RFTN2: variants seen among roughly 807,000 people sequenced by gnomAD.
RFTN2 encodes raftlin family member 2.
A neutral mutation model predicts 52.7 loss-of-function variants in RFTN2; 34 were observed. The ratio of observed to expected loss-of-function variants is 0.64; its 90% CI spans 0.49 to 0.86. RFTN2 has a LOEUF of 0.86. Ranked by LOEUF, RFTN2 falls within the 40% of genes least tolerant of loss-of-function variation. The pLI is 0.00. For missense variants in RFTN2, 536 were observed against 600.1 expected (o/e 0.89, Z 1.12); for synonymous variants, 203 against 217.7 (o/e 0.93, Z 0.59).
intron 8 of RFTN2, among the ~76,000 whole-genome samples, chr2:197,586,897 A>G (rs1336005755): frequency 6.6e-6 from 1 of 152,102 alleles, no homozygotes; most frequent in Non-Finnish European, 1.5e-5. Context: ...ACCTAAATCA[A>G]TCTGGCCTGG....
At position 197,571,103 on chromosome 2, in the gene RFTN2, G is replaced by A. The variant is rs2087310160; in HGVS notation, c.*905C>T. On this transcript the variant is annotated 3_prime_UTR_variant, in exon 9 of 9. Coordinates refer to ENST00000295049, the MANE Select transcript of RFTN2 (RefSeq NM_144629.3). ...TATGAGCATCTTTCTACTCCTGCCA[G>A]ATTGAAAATTCTAGGTTTCAACATT... 1 of 152,418 alleles carries A rather than the reference G, an allele frequency of 6.6e-6. No individual in the cohort carries two copies. Among genetic ancestry groups the A allele is most frequent in the East Asian group, 1.9e-4 (1 of 5,326 alleles). 9.4% of individuals were successfully genotyped at this position (152,418 alleles called of 1,614,324 possible).
chr2:197,620,733 G>T (rs929437343), intron 5 of RFTN2, among the ~76,000 whole-genome samples: 2 of 152,188 alleles, frequency 1.3e-5, no homozygotes, highest in Non-Finnish European at 2.9e-5. Context: ...TTGGGAGGCC[G>T]AGGCAGGCAG....
rs1473249436 is a variant in RFTN2, at chr2:197,570,765, T to TTATATGAA, written c.*1235_*1242dup. On this transcript the variant is annotated 3_prime_UTR_variant, in exon 9 of 9. Transcript: ENST00000295049. Reference sequence around the variant, plus strand: ...ACAAAAAACCCCCAAACCAAACATATTATATGAATATTTGTGTTCAATAAA... The same window carrying TTATATGAA: ...ACAAAAAACCCCCAAACCAAACATATTATATGAATATATGAATATTTGTGTTCAATAAA... The TTATATGAA allele has an allele frequency of 6.6e-6, 1 of 152,154 alleles. No individual in the cohort carries two copies. The highest frequency in any genetic ancestry group is 1.5e-5 in the Non-Finnish European group (1 of 68,020). 9.4% of individuals were successfully genotyped at this position (152,154 alleles called of 1,614,324 possible). A position where few individuals can be genotyped will look rare whatever the true frequency, so the allele number is the denominator to read the frequency against.
In RFTN2 at chr2:197,569,143, G is replaced by C. The variant is rs986620548; in HGVS notation, c.*2865C>G. ...CCAAAGGGGATGGAATTAACACTTG[G>C]TATTGAAAACGAAGATGAAAATGCC... On this transcript the variant is annotated 3_prime_UTR_variant, in exon 9 of 9. Coordinates refer to ENST00000295049, the MANE Select transcript of RFTN2 (RefSeq NM_144629.3). 3 of 152,184 alleles carry C rather than the reference G, an allele frequency of 2.0e-5. No individual in the cohort carries two copies. Among genetic ancestry groups the C allele is most frequent in the Non-Finnish European group, 4.4e-5 (3 of 68,042 alleles). The allele number at this position is 152,184 out of a possible 1,614,324, so 9.4% of individuals were successfully genotyped here.
At chr2:197,575,967 A>T (rs550730465) in intron 8 of RFTN2, among the ~76,000 whole-genome samples, 22 of 147,770 alleles carry the variant, frequency 1.5e-4, no homozygotes, top group Non-Finnish European at 2.5e-4. Flanking sequence ...TAGCTGCTTA[A>T]CTTGTGATGT....
chr2:197,655,244 G>A (rs964960607), intron 1 of RFTN2, among the ~76,000 whole-genome samples: 1 of 152,126 alleles, frequency 6.6e-6, no homozygotes, highest in Admixed American at 6.5e-5. Flanking sequence ...TCCTGTTTAG[G>A]TGCAGAATGT....
chr2:197,581,566 T>C (rs1234678135), intron 8 of RFTN2, among the ~76,000 whole-genome samples: 1 of 152,170 alleles, frequency 6.6e-6, no homozygotes, highest in Non-Finnish European at 1.5e-5. Context: ...AATATATCGA[T>C]GACCTTCTAC....
At chr2:197,575,041 T>C (rs1176196931) in intron 8 of RFTN2, among the ~76,000 whole-genome samples, 1 of 152,212 alleles carries the variant, frequency 6.6e-6, no homozygotes, top group Non-Finnish European at 1.5e-5. Context: ...GCTCCCATAA[T>C]TCCCAAGTGT....
chr2:197,602,492 G>T (rs1000974083), intron 7 of RFTN2, among the ~76,000 whole-genome samples: 2 of 152,048 alleles, frequency 1.3e-5, no homozygotes, highest in Non-Finnish European at 1.5e-5. Flanking sequence ...AGAATTTATG[G>T]ATAGGTGGGA....
chr2:197,569,389 A>G lies in RFTN2; in HGVS notation c.*2619T>C, dbSNP rs2087281048. 1 of 152,224 alleles carries G rather than the reference A, an allele frequency of 6.6e-6. No individual in the cohort carries two copies. Among genetic ancestry groups the G allele is most frequent in the African/African-American group, 2.4e-5 (1 of 41,454 alleles). The allele number at this position is 152,224 out of a possible 1,614,324, so 9.4% of individuals were successfully genotyped here. A position where few individuals can be genotyped will look rare whatever the true frequency, so the allele number is the denominator to read the frequency against. ...CAAGTTTTTTTCTTTTTTTAAAATAATAGGCTCATAGCTATTTACACACAT... is the reference window on the plus strand; with the variant it reads ...CAAGTTTTTTTCTTTTTTTAAAATAGTAGGCTCATAGCTATTTACACACAT... On this transcript the variant is annotated 3_prime_UTR_variant, in exon 9 of 9. Coordinates refer to ENST00000295049, the MANE Select transcript of RFTN2 (RefSeq NM_144629.3).
At chr2:197,653,415 G>C (rs1337800230) in intron 1 of RFTN2, among the ~76,000 whole-genome samples, 1 of 152,182 alleles carries the variant, frequency 6.6e-6, no homozygotes, top group Non-Finnish European at 1.5e-5. Context: ...CTGTCACACA[G>C]AAGAGGCTGG....
chr2:197,611,662 T>G (rs772413133), intron 7 of RFTN2, among the ~76,000 whole-genome samples: 13 of 152,262 alleles, frequency 8.5e-5, no homozygotes, highest in Non-Finnish European at 1.2e-4. Flanking sequence ...AGCTTTTGAA[T>G]GTGTTTGCTC....
At chr2:197,624,018 C>T (rs925733371) in intron 5 of RFTN2, among the ~76,000 whole-genome samples, 3 of 151,894 alleles carry the variant, frequency 2.0e-5, no homozygotes, top group Non-Finnish European at 2.9e-5. Context: ...AGGGTGGTCT[C>T]GAACTCCTGA....
intron 5 of RFTN2, among the ~76,000 whole-genome samples, chr2:197,626,053 T>G (rs1292936491): frequency 6.6e-6 from 1 of 151,938 alleles, no homozygotes; most frequent in East Asian, 1.9e-4. Flanking sequence ...CCTCCCAAAG[T>G]GCTGGGATTA....
chr2:197,635,758 A>C (rs2088555572), intron 3 of RFTN2, among the ~76,000 whole-genome samples: 1 of 145,848 alleles, frequency 6.9e-6, no homozygotes, highest in Non-Finnish European at 1.5e-5. Context: ...CCCATTTGTC[A>C]ATTTTGTCTT....
chr2:197,660,997 G>C (rs1180569781), intron 1 of RFTN2, among the ~76,000 whole-genome samples: 1 of 151,890 alleles, frequency 6.6e-6, no homozygotes, highest in Non-Finnish European at 1.5e-5. Flanking sequence ...TTATCTAACT[G>C]TATGTTTGTA....
intron 1 of RFTN2, among the ~76,000 whole-genome samples, chr2:197,666,955 T>C (rs1235946670): frequency 6.6e-6 from 1 of 152,192 alleles, no homozygotes; most frequent in Non-Finnish European, 1.5e-5. Context: ...TTTAATTCAA[T>C]GAATTCTTCA....
At chr2:197,605,450 C>T (rs1322861641) in intron 7 of RFTN2, among the ~76,000 whole-genome samples, 2 of 152,258 alleles carry the variant, frequency 1.3e-5, no homozygotes. Context: ...CTCCTGACCT[C>T]ATGATCCGCC....
chr2:197,663,709 G>T (rs1387234276), intron 1 of RFTN2, among the ~76,000 whole-genome samples: 1 of 151,938 alleles, frequency 6.6e-6, no homozygotes, highest in African/African-American at 2.4e-5. Context: ...TCTTTTCTTG[G>T]TTAGTCTAGC....
Sources: gnomAD v4.1 joint callset for allele counts (sites outside exome capture counted in the v4.1 genomes callset) on GRCh38, gnomAD v4.1.1 for gene constraint, MANE v1.5 for transcripts, NCBI Gene and HGNC (gene_info 2026-07-23, HGNC 2026-07-21) for gene names.